Variants in PHLDB2 observed in about 807,000 individuals in gnomAD.
The protein encoded by PHLDB2 is pleckstrin homology-like domain family B member 2.
In PHLDB2, 71 loss-of-function variants were observed where a neutral mutation model predicts 123.6. The observed-to-expected ratio is 0.57, with a 90% CI of 0.47 to 0.70. The LOEUF is 0.70. Among genes scored for constraint, PHLDB2 ranks in the 30% least tolerant of loss-of-function variants. PHLDB2 has a pLI of 0.00. For synonymous variants in PHLDB2, 547 were observed against 541.6 expected (o/e 1.01, Z -0.14); for missense variants, 1,446 against 1,519.5 (o/e 0.95, Z 0.80).
rs147282975 is a variant in PHLDB2, at chr3:111,880,134, A to G, written c.-14-3930A>G. On this transcript the variant is annotated intron_variant, in intron 1 of 17. Transcript: ENST00000431670. Reference sequence around the variant, plus strand: ...TATTATTTTAGGCTCCATGGCTTTCATGGCCTTTTCTATAACAATGATGGT... The same window carrying G: ...TATTATTTTAGGCTCCATGGCTTTCGTGGCCTTTTCTATAACAATGATGGT... Among the ~76,000 whole-genome samples the G allele has an allele frequency of 3.9e-5, 6 of 151,946 alleles. No homozygotes were observed. The East Asian group carries it at 1.2e-3, about 29-fold the overall frequency.
At chr3:111,788,249 G>A (rs1422756299) in intron 1 of PHLDB2, among the ~76,000 whole-genome samples, 1 of 152,192 alleles carries the variant, frequency 6.6e-6, no homozygotes, top group Non-Finnish European at 1.5e-5. Flanking sequence ...CAGTAATTTG[G>A]ATAGATGTCA....
chr3:111,805,686 C>T (rs1389500327), intron 1 of PHLDB2, among the ~76,000 whole-genome samples: 2 of 149,310 alleles, frequency 1.3e-5, no homozygotes, highest in African/African-American at 2.5e-5. Flanking sequence ...TTATGGAATG[C>T]TAGTAAAGAC....
intron 1 of PHLDB2, among the ~76,000 whole-genome samples, chr3:111,865,360 C>A (rs2065018142): frequency 2.0e-5 from 3 of 152,174 alleles, no homozygotes; most frequent in Admixed American, 1.3e-4. Context: ...TTTACCATGC[C>A]TTTGGAATGT....
chr3:111,877,741 G>C (rs1440956648), intron 1 of PHLDB2, among the ~76,000 whole-genome samples: 1 of 152,118 alleles, frequency 6.6e-6, no homozygotes, highest in African/African-American at 2.4e-5. Flanking sequence ...GTTAATTTTT[G>C]TATAAGGTGT....
At chr3:111,754,064 A>T (rs2059835832) in intron 1 of PHLDB2, among the ~76,000 whole-genome samples, 1 of 152,026 alleles carries the variant, frequency 6.6e-6, no homozygotes, top group Admixed American at 6.5e-5. Context: ...CTTGTAGTAT[A>T]GTTTGAAGTC....
intron 1 of PHLDB2, among the ~76,000 whole-genome samples, chr3:111,793,176 G>A (rs1259109272): frequency 6.6e-6 from 1 of 152,154 alleles, no homozygotes; most frequent in Non-Finnish European, 1.5e-5. Context: ...TTGAGCAAGG[G>A]CCCAGGATCA....
upstream of PHLDB2, among the ~76,000 whole-genome samples, chr3:111,858,790 G>C (rs1021255904): frequency 3.3e-5 from 5 of 152,110 alleles, no homozygotes; most frequent in African/African-American, 9.7e-5. Flanking sequence ...AGATTCTCGA[G>C]GGCCAATGTC....
chr3:111,875,834 A>G (rs910699296), intron 1 of PHLDB2, among the ~76,000 whole-genome samples: 1 of 151,938 alleles, frequency 6.6e-6, no homozygotes, highest in Admixed American at 6.6e-5. Context: ...AAAAAAAAAA[A>G]AAGAAAGAAA....
At chr3:111,928,780 A>AC (rs1394728808) in intron 5 of PHLDB2, among the ~76,000 whole-genome samples, 3 of 152,174 alleles carry the variant, frequency 2.0e-5, no homozygotes, top group Non-Finnish European at 4.4e-5. Context: ...TGAATTTGTG[A>AC]CCCAACTGGA....
chr3:111,955,200 G>A (rs888656101), intron 12 of PHLDB2, among the ~76,000 whole-genome samples: 5 of 149,076 alleles, frequency 3.4e-5, no homozygotes, highest in East Asian at 1.9e-4. Flanking sequence ...TACTAAAGGC[G>A]ATTTAAAAAT....
intron 1 of PHLDB2, among the ~76,000 whole-genome samples, chr3:111,810,847 G>T (rs927114797): frequency 6.6e-6 from 1 of 152,148 alleles, no homozygotes; most frequent in African/African-American, 2.4e-5. Flanking sequence ...AAGATCCTCA[G>T]TATATAATAT....
intron 1 of PHLDB2, among the ~76,000 whole-genome samples, chr3:111,836,161 C>T (rs932084153): frequency 6.6e-6 from 1 of 152,110 alleles, no homozygotes; most frequent in African/African-American, 2.4e-5. Flanking sequence ...CAGAATAAAA[C>T]AGCTGCTGGA....
rs546027943 is a variant in PHLDB2, at chr3:111,884,718, A to T, written c.641A>T (p.Gln214Leu). Residue 214 changes from glutamine to leucine, a missense_variant, in exon 2 of 18, where the codon CAG becomes CTG. By Grantham distance (113) the Gln-to-Leu change is moderately radical. Transcript: ENST00000431670. ...SPKQARKMSI[Q>L]DSLALQPKLT... ...AAGCAAGCCAGGAAAATGAGCATTC[A>T]GGACAGCCTGGCGCTTCAACCCAAG... 3.7e-6 allele frequency: 6 copies of T among 1,614,148 alleles called. No homozygotes were observed. The East Asian group carries it at 1.1e-4, about 30-fold the overall frequency.
intron 1 of PHLDB2, among the ~76,000 whole-genome samples, chr3:111,835,991 AG>A (rs2063378428): frequency 6.6e-6 from 1 of 152,142 alleles, no homozygotes; most frequent in Admixed American, 6.6e-5. Flanking sequence ...CTCATGATGG[AG>A]GGCTGCCAAT....
intron 1 of PHLDB2, among the ~76,000 whole-genome samples, chr3:111,821,245 T>C (rs557959016): frequency 6.6e-6 from 1 of 152,338 alleles, no homozygotes; most frequent in African/African-American, 2.4e-5. Context: ...GGCTCATTGT[T>C]CTTCTAAGAC....
chr3:111,826,028 A>G (rs2062637879), intron 1 of PHLDB2, among the ~76,000 whole-genome samples: 1 of 151,986 alleles, frequency 6.6e-6, no homozygotes, highest in East Asian at 1.9e-4. Context: ...TAGGCCGAGC[A>G]TGGTGGCTCA....
At chr3:111,865,483 C>G (rs1022468339) in intron 1 of PHLDB2, among the ~76,000 whole-genome samples, 1 of 152,058 alleles carries the variant, frequency 6.6e-6, no homozygotes, top group East Asian at 1.9e-4. Flanking sequence ...AATGAGCACT[C>G]CTGTGTTATT....
Position 111,962,348 on chromosome 3 carries a change from A to G in PHLDB2, c.3077+36A>G, listed in dbSNP as rs572803157. 13 of 1,574,868 alleles carry G rather than the reference A, an allele frequency of 8.3e-6. No individual in the cohort carries two copies. In the East Asian group the frequency reaches 2.7e-4, roughly 33 times the overall value. ...TTTATGGGTAAGGTTTCTGGTTTGG[A>G]AAAGAGCCTACTGCTCACAAAAAGT... On this transcript the variant is annotated intron_variant, in intron 13 of 17. Coordinates refer to ENST00000431670, the MANE Select transcript of PHLDB2 (RefSeq NM_001134438.2).
intron 1 of PHLDB2, chr3:111,859,997 C>G: frequency 1.4e-6 from 1 of 716,046 alleles, no homozygotes; most frequent in African/African-American, 1.9e-5. Context: ...GGTGGCGAAC[C>G]CCGTTGTGCA....
Sources: allele counts gnomAD v4.1 joint callset (sites outside exome capture counted in the v4.1 genomes callset), GRCh38; gene constraint gnomAD v4.1.1; transcripts MANE v1.5; gene names NCBI Gene and HGNC (gene_info 2026-07-23, HGNC 2026-07-21).